The following SGK3 variants were observed in gnomAD, a reference collection of about 807,000 sequenced individuals.
SGK3 encodes the protein serine/threonine-protein kinase Sgk3.
A neutral mutation model predicts 68.5 loss-of-function variants in SGK3; 47 were observed. The ratio of observed to expected loss-of-function variants is 0.69; its 90% confidence interval spans 0.54 to 0.87. The LOEUF is 0.87. Among genes scored for constraint, SGK3 ranks in the 40% least tolerant of loss-of-function variants. The probability of loss-of-function intolerance (pLI) is 0.00; values close to 1 mark genes in which losing one functional copy is unlikely to be tolerated. For synonymous variants in SGK3, 181 were observed against 189.1 expected, an observed-to-expected ratio of 0.96 and a Z score of 0.35; for missense variants, 479 against 575.5, an observed-to-expected ratio of 0.83 and a Z score of 1.72.
At position 66,732,753 on chromosome 8, in the gene SGK3, G is replaced by A. The variant is rs184691879; in HGVS notation, c.-122+19920G>A. Among the ~76,000 whole-genome samples, 37 of 152,208 alleles carry A rather than the reference G, an allele frequency of 2.4e-4. No individual in the cohort carries two copies. The East Asian group carries it at 2.7e-3, about 11-fold the overall frequency. ...CCAGCTACTCAGGAGGCTGAGGCAG[G>A]AGAATTGCTTGAACCTGGGAGGCGG... On this transcript the variant is annotated intron_variant, in intron 1 of 16. Transcript: ENST00000521198.
chr8:66,728,372 G>A (rs542355169), intron 1 of SGK3, among the ~76,000 whole-genome samples: 3 of 151,210 alleles, frequency 2.0e-5, no homozygotes, highest in Non-Finnish European at 4.4e-5. Flanking sequence ...TGTCACCCAG[G>A]CTGGAGTGCA....
chr8:66,749,961 GTGTGTA>G (rs1421066406), intron 1 of SGK3, among the ~76,000 whole-genome samples: 2,260 of 150,628 alleles, frequency 0.015, 51 homozygotes, highest in African/African-American at 0.051. Flanking sequence ...GTGTGTGTGT[GTGTGTA>G]TGTGTGTAAA....
intron 1 of SGK3, among the ~76,000 whole-genome samples, chr8:66,750,869 G>A (rs972671331): frequency 1.3e-5 from 2 of 151,622 alleles, no homozygotes; most frequent in African/African-American, 4.8e-5. Flanking sequence ...AGCCAGGCAT[G>A]GTGATGGTGC....
At chr8:66,735,602 T>C (rs571853192) in intron 1 of SGK3, among the ~76,000 whole-genome samples, 2 of 151,814 alleles carry the variant, frequency 1.3e-5, no homozygotes, top group African/African-American at 4.9e-5. Context: ...GATATAGCCC[T>C]TTTTTAATAG....
rs1289020799 is a variant in SGK3 at position 66,723,123 on chromosome 8, ATATATATATTTTT to A, written c.-122+10292_-122+10304del. 5.4e-4 allele frequency among the ~76,000 whole-genome samples: 28 copies of A among 51,408 alleles called. No individual in the cohort carries two copies. In the East Asian group the frequency reaches 6.0e-3, roughly 11 times the overall value. The allele number at this position is 51,408 out of a possible 152,430, so 33.7% of individuals were successfully genotyped here. ...TATATATATATATATATATATATAT[ATATATATATTTTT>A]TTTTTTTTTTTTTTTTGTAAAAGGG... On this transcript the variant is annotated intron_variant, in intron 1 of 16. Coordinates refer to ENST00000521198, the MANE Select transcript of SGK3 (RefSeq NM_001033578.3).
At chr8:66,721,838 T>G (rs1205152572) in intron 1 of SGK3, among the ~76,000 whole-genome samples, 1 of 152,208 alleles carries the variant, frequency 6.6e-6, no homozygotes, top group East Asian at 1.9e-4. Flanking sequence ...TTAGAAAATA[T>G]ATGCAAAGTT....
At position 66,861,012 on chromosome 8, in the gene SGK3, A is replaced by C. The variant is rs1157479524; in HGVS notation, c.*1431A>C. On this transcript the variant is annotated 3_prime_UTR_variant, in exon 17 of 17. Coordinates refer to ENST00000521198, the MANE Select transcript of SGK3 (RefSeq NM_001033578.3). ...GTGGCACATGCCTTTAGTCCCAGCTACTCTGGAGGCTGAAGTTGGAGGATG... is the reference window on the plus strand; with the variant it reads ...GTGGCACATGCCTTTAGTCCCAGCTCCTCTGGAGGCTGAAGTTGGAGGATG... The C allele has an allele frequency of 6.6e-6, 1 of 152,138 alleles. No homozygotes were observed. The highest frequency in any genetic ancestry group is 1.5e-5 in the Non-Finnish European group (1 of 67,996). The allele number at this position is 152,138 out of a possible 1,614,324, so 9.4% of individuals were successfully genotyped here.
chr8:66,827,206 A>G (rs1244827775), intron 6 of SGK3, among the ~76,000 whole-genome samples: 1 of 151,110 alleles, frequency 6.6e-6, no homozygotes, highest in Non-Finnish European at 1.5e-5. Context: ...ACATGGCGAA[A>G]CCCTATATCT....
At chr8:66,842,306 C>T (rs538043282) in intron 13 of SGK3, among the ~76,000 whole-genome samples, 3 of 151,248 alleles carry the variant, frequency 2.0e-5, no homozygotes, top group Admixed American at 6.6e-5. Flanking sequence ...CTGCAAGCTC[C>T]GCCTCCCAGG....
intron 13 of SGK3, 62 bp downstream of exon 13, chr8:66,841,172 GA>G: frequency 7.8e-7 from 1 of 1,278,056 alleles, no homozygotes; most frequent in Non-Finnish European, 1.1e-6. Context: ...ATGAATTACA[GA>G]TTGCATATAT....
chr8:66,747,606 A>G (rs1805689971), intron 1 of SGK3, among the ~76,000 whole-genome samples: 1 of 151,990 alleles, frequency 6.6e-6, no homozygotes, highest in Non-Finnish European at 1.5e-5. Flanking sequence ...CACTCAGGCG[A>G]GAGTGCAGTG....
At chr8:66,848,904 A>G (rs540423851) in intron 15 of SGK3, among the ~76,000 whole-genome samples, 4 of 152,300 alleles carry the variant, frequency 2.6e-5, no homozygotes, top group South Asian at 2.1e-4. Context: ...ATTGCTGGAT[A>G]CTACTTTTCC....
chr8:66,848,382 C>T (rs1006543641), intron 15 of SGK3, among the ~76,000 whole-genome samples: 2 of 152,160 alleles, frequency 1.3e-5, no homozygotes, highest in Non-Finnish European at 2.9e-5. Flanking sequence ...CTCTGTGTAG[C>T]TTACTCTCTT....
Position 66,787,936 on chromosome 8 carries a change from CGTGTACTGCTCA to C in SGK3, c.-121-5678_-121-5667del, listed in dbSNP as rs750786277. Among the ~76,000 whole-genome samples the C allele has an allele frequency of 3.3e-5, 5 of 152,360 alleles. No homozygotes were observed. The East Asian group carries it at 9.6e-4, about 29-fold the overall frequency. The stretch of plus-strand genomic sequence containing the variant: ...ACTCCTCCTTACAGGTAAACCACCA[CGTGTACTGCTCA>C]GAGTTCTGCCCACTGGGAAGATTTC... On this transcript the variant is annotated intron_variant, in intron 1 of 16. Transcript: ENST00000521198.
intron 6 of SGK3, among the ~76,000 whole-genome samples, chr8:66,825,556 C>T (rs961180688): frequency 4.6e-5 from 7 of 152,146 alleles, no homozygotes; most frequent in Admixed American, 1.3e-4. Flanking sequence ...GTCTCCATCT[C>T]CTGACCTCCT....
chr8:66,795,372 A>G (rs1320020444), intron 2 of SGK3, among the ~76,000 whole-genome samples: 3 of 152,234 alleles, frequency 2.0e-5, no homozygotes, highest in Non-Finnish European at 2.9e-5. Context: ...TATCTTCAAC[A>G]GTAGGCATTT....
Position 66,762,694 on chromosome 8 carries a change from C to T in SGK3, c.-121-30922C>T, listed in dbSNP as rs553815042. Among the ~76,000 whole-genome samples the T allele has an allele frequency of 1.7e-3, 253 of 152,268 alleles. 1 individual carries two copies. The highest frequency in any genetic ancestry group is 2.7e-3 in the Non-Finnish European group (185 of 68,034). On this transcript the variant is annotated intron_variant, in intron 1 of 16. Coordinates refer to ENST00000521198, the MANE Select transcript of SGK3 (RefSeq NM_001033578.3). ...AATCAAGATCTAAATAAGATCCATA[C>T]AATTGGTAATTGATATCTCATTTTA...
intron 3 of SGK3, among the ~76,000 whole-genome samples, chr8:66,803,302 A>G (rs2130608633): frequency 6.6e-6 from 1 of 152,160 alleles, no homozygotes; most frequent in African/African-American, 2.4e-5. Flanking sequence ...ATCAGTTGGC[A>G]GTTAGAGGTG....
chr8:66,801,491 T>C (rs1343828312), intron 3 of SGK3, among the ~76,000 whole-genome samples: 2 of 152,172 alleles, frequency 1.3e-5, no homozygotes, highest in Non-Finnish European at 2.9e-5. Context: ...CAATGTTAGC[T>C]CATTTTGAAA....
Sources: allele counts gnomAD v4.1 joint callset (sites outside exome capture counted in the v4.1 genomes callset), GRCh38; gene constraint gnomAD v4.1.1; transcripts MANE v1.5; gene names NCBI Gene and HGNC (gene_info 2026-07-23, HGNC 2026-07-21).